CRAMP1: variants seen among roughly 807,000 people sequenced by gnomAD.
CRAMP1 encodes cramped chromatin regulator 1.
Under a neutral mutation model 115.4 loss-of-function variants are expected in CRAMP1, and 50 were observed. The ratio of observed to expected loss-of-function variants is 0.43; its 90% CI spans 0.35 to 0.55. The LOEUF is 0.55. CRAMP1 is among the 20% of genes least tolerant of loss of function. CRAMP1 has a pLI of 0.01. For missense variants in CRAMP1, 1,679 were observed against 1,721.7 expected (o/e 0.98, Z 0.44); for synonymous variants, 866 against 745.4 (o/e 1.16, Z -2.64).
At position 1,668,033 on chromosome 16, in the gene CRAMP1, C is replaced by T. The variant is rs958574593; in HGVS notation, c.3174C>T (p.Ser1058=). 26 of 1,613,762 alleles carry T rather than the reference C, an allele frequency of 1.6e-5. No individual in the cohort carries two copies. Among genetic ancestry groups the T allele is most frequent in the Non-Finnish European group, 2.1e-5 (25 of 1,179,874 alleles). The change falls in exon 18 of 21, where the codon TCC becomes TCT. Residue 1058 remains serine, a synonymous_variant. Transcript: ENST00000397412. ...AGAATGGCCTCTCCATACCGCTGTC[C>T]TCGTCAGAGAGCTCCAGCACCCGGC... is the stretch of plus-strand genomic sequence containing the variant. ...PLQNGLSIPL[S]SSESSSTRLS... is the part of the protein sequence containing the mutation.
intron 4 of CRAMP1, among the ~76,000 whole-genome samples, chr16:1,634,925 G>A (rs1401232335): frequency 6.6e-6 from 1 of 152,156 alleles, no homozygotes; most frequent in Non-Finnish European, 1.5e-5. Context: ...TTGAGCCAGA[G>A]TCTTGCTCTG....
intron 3 of CRAMP1, among the ~76,000 whole-genome samples, chr16:1,628,398 T>A (rs2036523315): frequency 6.6e-6 from 1 of 152,086 alleles, no homozygotes; most frequent in African/African-American, 2.4e-5. Flanking sequence ...GGATCACAGG[T>A]GCCCGCCACC....
In CRAMP1 at chr16:1,633,403, A is replaced by G. The variant is rs148059748; in HGVS notation, c.694+1038A>G. Among the ~76,000 whole-genome samples, 534 of 152,368 alleles carry G rather than the reference A, an allele frequency of 3.5e-3. 6 individuals are homozygous for G. Among genetic ancestry groups the G allele is most frequent in the African/African-American group, 0.012 (506 of 41,592 alleles). ...AGATTGTCACCGTTTCTGGAGATCC[A>G]TGGAAACGGCTGTTGGTCTCTGCAC... On this transcript the variant is annotated intron_variant, in intron 4 of 20. Coordinates refer to ENST00000397412, the MANE Select transcript of CRAMP1 (RefSeq NM_020825.4).
intron 3 of CRAMP1, 83 bp from the exon 4 acceptor site, chr16:1,632,129 C>G (rs917779327): frequency 7.8e-6 from 11 of 1,409,766 alleles, no homozygotes; most frequent in Admixed American, 7.2e-5. Flanking sequence ...TCTCCTTTCT[C>G]GGAACCTTGG....
intron 3 of CRAMP1, among the ~76,000 whole-genome samples, chr16:1,629,015 G>C (rs898354882): frequency 6.6e-6 from 1 of 152,196 alleles, no homozygotes; most frequent in African/African-American, 2.4e-5. Context: ...CAGGGCACTC[G>C]CCTCCTTCCT....
In CRAMP1 at chr16:1,614,770, G is replaced by C; in HGVS notation, c.131G>C (p.Gly44Ala). 7.4e-7 allele frequency: 1 copy of C among 1,360,020 alleles called. No homozygotes were observed. Among genetic ancestry groups the C allele is most frequent in the Non-Finnish European group, 9.6e-7 (1 of 1,045,234 alleles). The allele number at this position is 1,360,020 out of a possible 1,614,324, so 84.2% of individuals were successfully genotyped here. ...GCAGACGCGGCCGAGGAGAGCAGCG[G>C]CACAAAGAGGGACGAGAAGACCCCC... Reference protein sequence around the residue: ...GGADAAEESSGTKRDEKTPRA... With the variant: ...GGADAAEESSATKRDEKTPRA... The change falls in exon 2 of 21, where the codon GGC (glycine) becomes GCC (alanine). Residue 44 changes from glycine to alanine, a missense_variant. Transcript: ENST00000397412. This position sits in a 1 kb window ranked among gnomAD's most constrained non-coding sequence, Gnocchi z 4.4.
At position 1,666,300 on chromosome 16, in the gene CRAMP1, TCTAAGCC is replaced by T; in HGVS notation, c.2858-119_2858-113del. On this transcript the variant is annotated intron_variant, in intron 15 of 20. Transcript: ENST00000397412. The surrounding 1 kb of genome is among the most constrained non-coding windows in gnomAD (Gnocchi z 5.0). ...GTCTCATTACCCTTCACCAAGAACA[TCTAAGCC>T]CTTGGCTCTTGCATTGACATGAGGT... 8.4e-7 allele frequency: 1 copy of T among 1,195,562 alleles called. No individual in the cohort carries two copies. Among genetic ancestry groups the T allele is most frequent in the Non-Finnish European group, 1.2e-6 (1 of 831,912 alleles). 74.1% of individuals were successfully genotyped at this position (1,195,562 alleles called of 1,614,324 possible).
At chr16:1,649,069 A>G (rs1345206985) in intron 6 of CRAMP1, among the ~76,000 whole-genome samples, 4 of 152,066 alleles carry the variant, frequency 2.6e-5, no homozygotes, top group African/African-American at 7.3e-5. Flanking sequence ...AAAAAAAAAA[A>G]AAGAAGTTTG....
chr16:1,626,370 G>C (rs1266410864), intron 3 of CRAMP1, among the ~76,000 whole-genome samples: 4 of 152,242 alleles, frequency 2.6e-5, no homozygotes, highest in African/African-American at 9.6e-5. Context: ...TTAGAAGCTA[G>C]TACTGGTGAG....
intron 10 of CRAMP1, among the ~76,000 whole-genome samples, chr16:1,659,278 G>A (rs1596495378): frequency 6.6e-6 from 1 of 152,326 alleles, no homozygotes. Flanking sequence ...ACTTCGGGCT[G>A]GTTCCCTCCC....
chr16:1,625,075 A>G (rs1022783668), intron 2 of CRAMP1, among the ~76,000 whole-genome samples: 2 of 152,182 alleles, frequency 1.3e-5, no homozygotes, highest in African/African-American at 4.8e-5. Context: ...AAGGTTTCCC[A>G]GCTTTTTATG....
intron 5 of CRAMP1, among the ~76,000 whole-genome samples, chr16:1,638,164 T>A (rs1321491557): frequency 3.9e-5 from 6 of 152,186 alleles, no homozygotes; most frequent in African/African-American, 1.4e-4. Flanking sequence ...CACTCTGCAT[T>A]CCACTCGACT....
chr16:1,659,141 A>G (rs780116497), intron 10 of CRAMP1, among the ~76,000 whole-genome samples: 18 of 152,126 alleles, frequency 1.2e-4, no homozygotes, highest in Non-Finnish European at 2.1e-4. Flanking sequence ...AAGTCAGCCT[A>G]TATTTCCTTC....
chr16:1,628,449 T>G (rs550997594), intron 3 of CRAMP1, among the ~76,000 whole-genome samples: 1 of 152,320 alleles, frequency 6.6e-6, no homozygotes, highest in East Asian at 1.9e-4. Context: ...AGACCGAGTT[T>G]CGCCACGTTG....
At chr16:1,623,799 G>T (rs2036485699) in intron 2 of CRAMP1, among the ~76,000 whole-genome samples, 1 of 152,218 alleles carries the variant, frequency 6.6e-6, no homozygotes, top group South Asian at 2.1e-4. Flanking sequence ...GGAAGCACCA[G>T]GTTCTGGGGA....
intron 10 of CRAMP1, among the ~76,000 whole-genome samples, chr16:1,657,966 G>T (rs1283230795): frequency 6.6e-6 from 1 of 152,160 alleles, no homozygotes; most frequent in Non-Finnish European, 1.5e-5. Context: ...ATGTCCCTGT[G>T]CTGGGGGGAC....
At chr16:1,663,159 C>CA (rs2036847242) in intron 13 of CRAMP1, among the ~76,000 whole-genome samples, 1 of 152,334 alleles carries the variant, frequency 6.6e-6, no homozygotes, top group Non-Finnish European at 1.5e-5. Context: ...GAGCAGTTGC[C>CA]AGGGCATGTG....
intron 13 of CRAMP1, among the ~76,000 whole-genome samples, chr16:1,664,506 C>T (rs1202514213): frequency 5.3e-5 from 8 of 152,248 alleles, no homozygotes; most frequent in South Asian, 2.1e-4. Flanking sequence ...AGGCCAGGCA[C>T]GGTGGCTCGC....
At chr16:1,613,871 C>T (rs921395113) in intron 1 of CRAMP1, among the ~76,000 whole-genome samples, 3 of 152,192 alleles carry the variant, frequency 2.0e-5, no homozygotes, top group African/African-American at 7.2e-5. Context: ...CGCAGCAGCT[C>T]ACATTTCCCA....
Sources: gnomAD v4.1 joint callset for allele counts (sites outside exome capture counted in the v4.1 genomes callset) on GRCh38, gnomAD v4.1.1 for gene constraint, Gnocchi (gnomAD v3.1) non-coding constraint, MANE v1.5 for transcripts, NCBI Gene and HGNC (gene_info 2026-07-23, HGNC 2026-07-21) for gene names.